NRG1: variants seen among roughly 807,000 people sequenced by gnomAD.
NRG1 encodes neuregulin 1.
In NRG1, 18 loss-of-function variants were observed where a neutral mutation model predicts 63.8. That is an observed-to-expected ratio of 0.28 (90% CI 0.19 to 0.42). The LOEUF is 0.42. NRG1 is among the 10% of genes least tolerant of loss of function. The pLI is 1.00. For missense variants in NRG1, 762 were observed against 814.7 expected (o/e 0.94, Z 0.79); for synonymous variants, 302 against 301.3 (o/e 1.00, Z -0.02).
At chr8:31,994,978 A>G (rs16878642) in intron 1 of NRG1, among the ~76,000 whole-genome samples, 6,356 of 152,050 alleles carry the variant, frequency 0.042, 423 homozygotes, top group African/African-American at 0.14. Context: ...TGTTTCAAGT[A>G]TTGAATTGGT....
At chr8:32,083,637 T>G (rs1827811191) in intron 1 of NRG1, among the ~76,000 whole-genome samples, 1 of 152,174 alleles carries the variant, frequency 6.6e-6, no homozygotes, top group South Asian at 2.1e-4. Context: ...TTAAGACACC[T>G]GGATAATGAG....
intron 1 of NRG1, among the ~76,000 whole-genome samples, chr8:32,452,326 C>T (rs1821062502): frequency 6.6e-6 from 1 of 152,020 alleles, no homozygotes; most frequent in African/African-American, 2.4e-5. Flanking sequence ...GTGTTTTGGA[C>T]TGACTTTGAG....
intron 1 of NRG1, among the ~76,000 whole-genome samples, chr8:31,843,727 C>T (rs1035145409): frequency 6.6e-6 from 1 of 152,188 alleles, no homozygotes; most frequent in Non-Finnish European, 1.5e-5. Context: ...TGCTTCTTCC[C>T]TTTCTACTGA....
chr8:32,028,726 A>G (rs1817831705), intron 1 of NRG1, among the ~76,000 whole-genome samples: 1 of 152,218 alleles, frequency 6.6e-6, no homozygotes, highest in African/African-American at 2.4e-5. Flanking sequence ...TTCAAAAGTT[A>G]GACATTCAAA....
chr8:32,025,366 G>C (rs1199699118), intron 1 of NRG1, among the ~76,000 whole-genome samples: 2 of 151,994 alleles, frequency 1.3e-5, no homozygotes, highest in African/African-American at 4.8e-5. Flanking sequence ...ATATTTCTTT[G>C]TACATTTCTG....
At chr8:31,725,627 T>A (rs1472464462) in intron 1 of NRG1, among the ~76,000 whole-genome samples, 1 of 152,162 alleles carries the variant, frequency 6.6e-6, no homozygotes, top group Non-Finnish European at 1.5e-5. Flanking sequence ...AATCTCTTTA[T>A]AATAAAGAAA....
chr8:32,531,852 C>A (rs1831485541), intron 1 of NRG1, among the ~76,000 whole-genome samples: 1 of 151,996 alleles, frequency 6.6e-6, no homozygotes, highest in African/African-American at 2.4e-5. Flanking sequence ...ACCACAAAAG[C>A]CAAAGCTAAA....
At chr8:31,715,768 G>A (rs184459993) in intron 1 of NRG1, among the ~76,000 whole-genome samples, 81 of 152,242 alleles carry the variant, frequency 5.3e-4, no homozygotes, top group Admixed American at 1.3e-3. Flanking sequence ...AACAGGATAA[G>A]TTATTCTACA....
intron 1 of NRG1, among the ~76,000 whole-genome samples, chr8:31,951,638 G>A (rs918255868): frequency 6.6e-6 from 1 of 152,132 alleles, no homozygotes; most frequent in Non-Finnish European, 1.5e-5. Flanking sequence ...TCACTGCCAT[G>A]CTAGGAAATC....
At chr8:32,414,474 C>A (rs538790767) in intron 1 of NRG1, among the ~76,000 whole-genome samples, 24 of 152,312 alleles carry the variant, frequency 1.6e-4, no homozygotes, top group African/African-American at 5.3e-4. Context: ...AAATGCTTTG[C>A]ATAGTCACTA....
At chr8:32,583,669 C>T (rs533663839) in intron 1 of NRG1, among the ~76,000 whole-genome samples, 62 of 152,264 alleles carry the variant, frequency 4.1e-4, no homozygotes, top group African/African-American at 1.5e-3. Flanking sequence ...GTTTAAAGCT[C>T]CCTTCAGATA....
intron 4 of NRG1, among the ~76,000 whole-genome samples, chr8:32,615,252 T>C (rs1363636640): frequency 6.6e-6 from 1 of 150,938 alleles, no homozygotes; most frequent in Non-Finnish European, 1.5e-5. Context: ...CTTTTTCTTA[T>C]TCTTTGTAAT....
chr8:31,924,509 A>G (rs941119927), intron 1 of NRG1, among the ~76,000 whole-genome samples: 4 of 151,976 alleles, frequency 2.6e-5, no homozygotes, highest in African/African-American at 7.2e-5. Flanking sequence ...TTTTTCCTCA[A>G]TAAGGCTTGT....
At chr8:31,675,128 A>G (rs1172396705) in intron 1 of NRG1, among the ~76,000 whole-genome samples, 1 of 152,204 alleles carries the variant, frequency 6.6e-6, no homozygotes, top group Admixed American at 6.5e-5. Flanking sequence ...GGATCACTTG[A>G]GGTCAGGAGT....
At chr8:32,058,582 T>C (rs934206769) in intron 1 of NRG1, among the ~76,000 whole-genome samples, 2 of 152,024 alleles carry the variant, frequency 1.3e-5, no homozygotes, top group Non-Finnish European at 1.5e-5. Flanking sequence ...TATTTTTTTA[T>C]TTTTTTACTG....
At chr8:31,914,010 T>C (rs969105843) in intron 1 of NRG1, among the ~76,000 whole-genome samples, 16 of 152,098 alleles carry the variant, frequency 1.1e-4, no homozygotes, top group Non-Finnish European at 8.8e-5. Flanking sequence ...AACCCACTAA[T>C]TGGAAGTCTG....
At chr8:32,102,976 G>A (rs1830766172) in intron 1 of NRG1, among the ~76,000 whole-genome samples, 1 of 152,026 alleles carries the variant, frequency 6.6e-6, no homozygotes, top group Non-Finnish European at 1.5e-5. Context: ...GGCATGCAAT[G>A]CATAATAATC....
intron 1 of NRG1, among the ~76,000 whole-genome samples, chr8:32,086,422 C>T (rs1237051397): frequency 6.6e-6 from 1 of 152,142 alleles, no homozygotes; most frequent in Non-Finnish European, 1.5e-5. Flanking sequence ...TTTCTTTGAG[C>T]TTGGTGAAGA....
At chr8:32,764,164 T>C (rs1408979825) in exon 12 of NRG1, 6 of 1,613,872 alleles carry the variant, frequency 3.7e-6, no homozygotes, top group African/African-American at 2.7e-5. Context: ...AGATTGGAAG[T>C]GGACAGCAAC....
Sources: gnomAD v4.1 joint callset for allele counts (sites outside exome capture counted in the v4.1 genomes callset) on GRCh38, gnomAD v4.1.1 for gene constraint, MANE v1.5 for transcripts, NCBI Gene and HGNC (gene_info 2026-07-23, HGNC 2026-07-21) for gene names.